TMPRSS3: variants seen among roughly 807,000 people sequenced by gnomAD.
TMPRSS3 encodes transmembrane serine protease 3.
In TMPRSS3, 55 loss-of-function variants were observed where a neutral mutation model predicts 59.6. The observed-to-expected ratio is 0.92, with a 90% CI of 0.74 to 1.16. TMPRSS3 has a LOEUF of 1.16. Ranked by LOEUF, TMPRSS3 falls within the 50% of genes most tolerant of loss-of-function variation. The pLI is 0.00. For missense variants in TMPRSS3, 596 were observed against 579.4 expected (o/e 1.03, Z -0.29); for synonymous variants, 257 against 237.7 (o/e 1.08, Z -0.75).
At chr21:42,382,009 C>T in intron 9 of TMPRSS3, 56 bp downstream of exon 9, 2 of 1,611,308 alleles carry the variant, frequency 1.2e-6, no homozygotes, top group Non-Finnish European at 1.7e-6. Context: ...TGAGCAATTG[C>T]AAATCCTCTT....
At position 42,385,426 on chromosome 21, in the gene TMPRSS3, G is replaced by T. The variant is rs746156374; in HGVS notation, c.555C>A (p.His185Gln). 6.2e-7 allele frequency: 1 copy of T among 1,614,080 alleles called. No homozygotes were observed. The highest frequency in any genetic ancestry group is 8.5e-7 in the Non-Finnish European group (1 of 1,179,992). ...LLPDDKVTAL[H>Q]HSVYVREGCA... is the part of the protein sequence containing the mutation. ...CCACCTACCTCACATATACTGAGTGGTGTAATGCAGTCACCTTGTCATCTG... is the reference window on the plus strand; with the variant it reads ...CCACCTACCTCACATATACTGAGTGTTGTAATGCAGTCACCTTGTCATCTG... The change falls in exon 6 of 13, where the codon CAC (histidine) becomes CAA (glutamine). Residue 185 changes from histidine (H) to glutamine (Q), a missense_variant. Transcript: ENST00000644384.
chr21:42,377,639 C>G (rs1173833411), intron 10 of TMPRSS3, among the ~76,000 whole-genome samples: 1 of 152,200 alleles, frequency 6.6e-6, no homozygotes, highest in Non-Finnish European at 1.5e-5. Context: ...GGGATGGACC[C>G]CTCCAACTCA....
Position 42,395,899 on chromosome 21 carries a change from G to A in TMPRSS3, c.-52+43C>T, listed in dbSNP as rs374656660. 2.9e-4 allele frequency: 151 copies of A among 514,276 alleles called. 1 individual carries two copies. The highest frequency in any genetic ancestry group is 2.5e-3 in the African/African-American group (132 of 51,918). 31.9% of individuals were successfully genotyped at this position (514,276 alleles called of 1,614,324 possible). On this transcript the variant is annotated intron_variant, in intron 1 of 12. Transcript: ENST00000644384. Reference sequence around the variant, plus strand: ...CATAAACGCAATTCTTTCCCTGTGCGTGTGGTACACCTACCATAAGCATAA... The same window carrying A: ...CATAAACGCAATTCTTTCCCTGTGCATGTGGTACACCTACCATAAGCATAA...
chr21:42,376,692 A>G lies in TMPRSS3; in HGVS notation c.1049-9T>C, dbSNP rs1355671629. 1.2e-5 allele frequency: 20 copies of G among 1,613,928 alleles called. No individual in the cohort carries two copies. The highest frequency in any genetic ancestry group is 1.7e-5 in the Non-Finnish European group (20 of 1,180,010). On this transcript the variant is annotated splice_polypyrimidine_tract_variant and intron_variant, in intron 10 of 12. Transcript: ENST00000644384. ...GACAGGGGAGGCGTCACCTGCTTCA[A>G]AGTGAGTGAGGGGATGTGTGTGAGA...
At chr21:42,377,805 C>T (rs954666505) in intron 10 of TMPRSS3, among the ~76,000 whole-genome samples, 1 of 152,254 alleles carries the variant, frequency 6.6e-6, no homozygotes, top group Non-Finnish European at 1.5e-5. Context: ...GGCGAAACAG[C>T]TCAATGCATT....
chr21:42,393,756 T>C (rs1314254312), intron 2 of TMPRSS3, among the ~76,000 whole-genome samples: 1 of 152,216 alleles, frequency 6.6e-6, no homozygotes, highest in Non-Finnish European at 1.5e-5. Flanking sequence ...TCTGCTGTTA[T>C]GGCGTGAAAG....
At position 42,372,235 on chromosome 21, in the gene TMPRSS3, T is replaced by G. The variant is rs1452305997; in HGVS notation, c.*527A>C. 9.0e-6 allele frequency: 4 copies of G among 443,316 alleles called. No homozygotes were observed. The highest frequency in any genetic ancestry group is 1.4e-5 in the Non-Finnish European group (3 of 220,074). The allele number at this position is 443,316 out of a possible 1,614,324, so 27.5% of individuals were successfully genotyped here. A position where few individuals can be genotyped will look rare whatever the true frequency, so the allele number is the denominator to read the frequency against. On this transcript the variant is annotated 3_prime_UTR_variant, in exon 13 of 13. Coordinates refer to ENST00000644384, the MANE Select transcript of TMPRSS3 (RefSeq NM_001256317.3). ...AGTGGGAAAGGCCGCCCTTGCAAGT[T>G]GCTGCTTCTTTTGTTCTTAGTGAAG...
At chr21:42,387,652 G>A (rs2052657989) in intron 5 of TMPRSS3, among the ~76,000 whole-genome samples, 1 of 152,110 alleles carries the variant, frequency 6.6e-6, no homozygotes, top group Admixed American at 6.5e-5. Flanking sequence ...AGGGCAGTGT[G>A]GCTTTAACGA....
intron 8 of TMPRSS3, 83 bp from the exon 9 acceptor site, chr21:42,382,317 G>A (rs1442062010): frequency 7.8e-7 from 1 of 1,277,934 alleles, no homozygotes; most frequent in African/African-American, 1.5e-5. Flanking sequence ...GAAAACCTAG[G>A]AAGATGGTGG....
At chr21:42,384,502 C>G (rs962275636) in intron 6 of TMPRSS3, among the ~76,000 whole-genome samples, 57 of 152,212 alleles carry the variant, frequency 3.7e-4, no homozygotes, top group African/African-American at 1.2e-3. Flanking sequence ...ACTCCTACCC[C>G]CACCCCCACA....
At chr21:42,383,431 G>T (rs1034282860) in intron 7 of TMPRSS3, 2 of 598,538 alleles carry the variant, frequency 3.3e-6, no homozygotes. Flanking sequence ...AAAAGCACCT[G>T]CCCTGCTTGG....
intron 2 of TMPRSS3, among the ~76,000 whole-genome samples, chr21:42,393,503 G>A (rs1359570697): frequency 6.6e-6 from 1 of 152,034 alleles, no homozygotes; most frequent in African/African-American, 2.4e-5. Context: ...ATAGATATAC[G>A]CAAATATCGA....
intron 12 of TMPRSS3, among the ~76,000 whole-genome samples, chr21:42,374,842 T>C (rs971256333): frequency 6.6e-6 from 1 of 152,168 alleles, no homozygotes; most frequent in Non-Finnish European, 1.5e-5. Flanking sequence ...AAACCAATTT[T>C]TTTTTTCTCA....
chr21:42,384,902 CT>C (rs1202555736), intron 6 of TMPRSS3, among the ~76,000 whole-genome samples: 2 of 152,122 alleles, frequency 1.3e-5, no homozygotes, highest in Non-Finnish European at 2.9e-5. Context: ...TTAAGAACAC[CT>C]GGTTTTACCT....
At chr21:42,373,783 G>A (rs1378389084) in intron 12 of TMPRSS3, among the ~76,000 whole-genome samples, 1 of 152,176 alleles carries the variant, frequency 6.6e-6, no homozygotes, top group African/African-American at 2.4e-5. Context: ...CAGGCTCTGT[G>A]GCCCAGGACG....
In TMPRSS3 at chr21:42,385,071, C is replaced by CCCTT. The variant is rs1201869937; in HGVS notation, c.572+334_572+337dup. Among the ~76,000 whole-genome samples, 77 of 49,984 alleles carry CCCTT rather than the reference C, an allele frequency of 1.5e-3. 1 individual carries two copies. Among genetic ancestry groups the CCCTT allele is most frequent in the African/African-American group, 0.013 (75 of 5,972 alleles). 32.8% of individuals were successfully genotyped at this position (49,984 alleles called of 152,430 possible). On this transcript the variant is annotated intron_variant, in intron 6 of 12. Coordinates refer to ENST00000644384, the MANE Select transcript of TMPRSS3 (RefSeq NM_001256317.3). ...TCCCTTCCTTCCTCCCTCCCTCCCT[C>CCCTT]CCTTCCTCTTTTCCTCCCCACCCCC...
At position 42,385,491 on chromosome 21, in the gene TMPRSS3, GC is replaced by G; in HGVS notation, c.489del (p.Gln164SerfsTer18). On this transcript the variant is annotated frameshift_variant, in exon 6 of 13. Coordinates refer to ENST00000644384, the MANE Select transcript of TMPRSS3 (RefSeq NM_001256317.3). LOFTEE classifies it high-confidence loss of function. Reference protein sequence around the residue: ...SDNLRVSSLEGQFREEFVSID... With the variant: ...SDNLRVSSLEXQFREEFVSID... Reference sequence around the variant, plus strand: ...ATGGACACAAACTCCTCCCGGAACTGCCCCTCCAGCGAGCTCACTCTGAGGT... The same window carrying G: ...ATGGACACAAACTCCTCCCGGAACTGCCCTCCAGCGAGCTCACTCTGAGGT... 6.2e-7 allele frequency: 1 copy of G among 1,614,140 alleles called. No homozygotes were observed. Among genetic ancestry groups the G allele is most frequent in the Non-Finnish European group, 8.5e-7 (1 of 1,180,020 alleles).
At position 42,388,446 on chromosome 21, in the gene TMPRSS3, C is replaced by T. The variant is rs769177813; in HGVS notation, c.403G>A (p.Gly135Ser). Residue 135 changes from glycine to serine, a missense_variant, in exon 5 of 13, where the codon GGT (glycine) becomes AGT (serine). By Grantham distance (56) the Gly-to-Ser change is moderately conservative (BLOSUM62 0). Coordinates refer to ENST00000644384, the MANE Select transcript of TMPRSS3 (RefSeq NM_001256317.3). The surrounding 1 kb of genome is among the most constrained non-coding windows in gnomAD (Gnocchi z 5.1). Reference sequence around the variant, plus strand: ...GCACAGGCAACATTTGCGTAGTGACCCTTCCAGTCATCGGAGCACATGGTC... The same window carrying T: ...GCACAGGCAACATTTGCGTAGTGACTCTTCCAGTCATCGGAGCACATGGTC... ...WKTMCSDDWK[G>S]HYANVACAQL... 24 of 1,614,186 alleles carry T rather than the reference C, an allele frequency of 1.5e-5. No homozygotes were observed. Among genetic ancestry groups the T allele is most frequent in the Non-Finnish European group, 1.9e-5 (23 of 1,180,028 alleles).
chr21:42,390,237 C>T (rs746136971), intron 2 of TMPRSS3, 200 bp from the exon 3 acceptor site: 6 of 599,390 alleles, frequency 1.0e-5, no homozygotes, highest in Middle Eastern at 4.5e-4. Context: ...ACCTCTGACC[C>T]GGTTATTCCA....
Sources: gnomAD v4.1 joint callset for allele counts (sites outside exome capture counted in the v4.1 genomes callset) on GRCh38, gnomAD v4.1.1 for gene constraint, Gnocchi (gnomAD v3.1) non-coding constraint, MANE v1.5 for transcripts, NCBI Gene and HGNC (gene_info 2026-07-23, HGNC 2026-07-21) for gene names.